PDS5B: variants seen among roughly 807,000 people sequenced by gnomAD.
The protein encoded by PDS5B is PDS5 cohesin associated factor B.
PDS5B carries 51 observed loss-of-function variants against 184.1 expected under a neutral mutation model. The ratio of observed to expected loss-of-function variants is 0.28; its 90% CI spans 0.22 to 0.35. PDS5B has a LOEUF of 0.35. Ranked by LOEUF, PDS5B falls within the 10% of genes least tolerant of loss-of-function variation. The pLI is 1.00. For missense variants in PDS5B, 1,180 were observed against 1,723.3 expected (o/e 0.68, Z 5.58); for synonymous variants, 566 against 569.2 (o/e 0.99, Z 0.08).
intron 1 of PDS5B, among the ~76,000 whole-genome samples, chr13:32,604,333 CAT>C (rs1322670180): frequency 1.3e-4 from 20 of 152,274 alleles, no homozygotes; most frequent in Admixed American, 9.2e-4. Context: ...TTGAGATAAT[CAT>C]GTGGTTTTTG....
chr13:32,637,868 T>C (rs2058588397), intron 1 of PDS5B, among the ~76,000 whole-genome samples: 1 of 152,216 alleles, frequency 6.6e-6, no homozygotes, highest in Non-Finnish European at 1.5e-5. Flanking sequence ...TGATGACTTT[T>C]AGTTAGCTTT....
intron 21 of PDS5B, among the ~76,000 whole-genome samples, chr13:32,738,481 T>C (rs1270142623): frequency 6.6e-6 from 1 of 152,156 alleles, no homozygotes; most frequent in Non-Finnish European, 1.5e-5. Flanking sequence ...TGTTGCCTAC[T>C]TTCTGAAATT....
intron 1 of PDS5B, among the ~76,000 whole-genome samples, chr13:32,613,931 A>G (rs1010594868): frequency 6.6e-6 from 1 of 152,232 alleles, no homozygotes; most frequent in Non-Finnish European, 1.5e-5. Context: ...TGAAGTAGGC[A>G]TGCACATTCA....
intron 1 of PDS5B, among the ~76,000 whole-genome samples, chr13:32,609,102 T>C (rs1174102531): frequency 6.6e-6 from 1 of 152,170 alleles, no homozygotes; most frequent in South Asian, 2.1e-4. Flanking sequence ...CATATTTAAT[T>C]TGCAAATAAA....
chr13:32,772,245 AAAAT>A (rs1954813510), intron 33 of PDS5B, among the ~76,000 whole-genome samples: 1 of 152,160 alleles, frequency 6.6e-6, no homozygotes, highest in Non-Finnish European at 1.5e-5. Context: ...CTAATTTTAA[AAAAT>A]AAAGATTTAT....
intron 25 of PDS5B, among the ~76,000 whole-genome samples, chr13:32,755,373 A>G (rs577613707): frequency 6.6e-6 from 1 of 152,252 alleles, no homozygotes; most frequent in African/African-American, 2.4e-5. Flanking sequence ...TTTCTGTTAC[A>G]ATTAGTATCA....
At chr13:32,597,601 G>T (rs917712737) in intron 1 of PDS5B, among the ~76,000 whole-genome samples, 8 of 151,994 alleles carry the variant, frequency 5.3e-5, no homozygotes, top group Admixed American at 6.5e-5. Flanking sequence ...TGAGGCCGAG[G>T]GGGGGGCGGC....
intron 1 of PDS5B, among the ~76,000 whole-genome samples, chr13:32,598,764 T>TCC (rs1566234288): frequency 5.0e-5 from 7 of 141,164 alleles, no homozygotes; most frequent in Admixed American, 1.4e-4. Context: ...ATGGTTTTTT[T>TCC]TCTCTCTTTT....
chr13:32,696,816 G>A (rs1262882937), intron 14 of PDS5B, 38 bp from the exon 15 acceptor site: 2 of 1,489,706 alleles, frequency 1.3e-6, no homozygotes, highest in African/African-American at 2.8e-5. Context: ...TTTCTTGTTA[G>A]GGAATTTTAA....
chr13:32,589,049 A>C (rs1423303709), intron 1 of PDS5B, among the ~76,000 whole-genome samples: 1 of 152,238 alleles, frequency 6.6e-6, no homozygotes, highest in Non-Finnish European at 1.5e-5. Context: ...GGACTCTTGA[A>C]TGACATGGAC....
At chr13:32,609,761 T>C (rs1244179177) in intron 1 of PDS5B, among the ~76,000 whole-genome samples, 1 of 152,188 alleles carries the variant, frequency 6.6e-6, no homozygotes, top group East Asian at 1.9e-4. Context: ...TTGTTGGTCA[T>C]GAAGAGTCCA....
At chr13:32,760,248 C>T (rs9591314) in intron 29 of PDS5B, among the ~76,000 whole-genome samples, 51 of 151,700 alleles carry the variant, frequency 3.4e-4, no homozygotes, top group Non-Finnish European at 6.2e-4. Flanking sequence ...AGCCACTGCA[C>T]CCGGCCAAAA....
At chr13:32,760,434 C>G (rs1160028993) in intron 29 of PDS5B, 141 bp from the exon 30 acceptor site, 7 of 690,994 alleles carry the variant, frequency 1.0e-5, no homozygotes, top group Non-Finnish European at 1.4e-5. Context: ...TTAGTTTATA[C>G]TTATTACTTT....
chr13:32,750,758 T>C (rs1953950596), intron 24 of PDS5B, among the ~76,000 whole-genome samples: 1 of 152,160 alleles, frequency 6.6e-6, no homozygotes, highest in South Asian at 2.1e-4. Context: ...GCCAGGCTGG[T>C]CTCGAACTCC....
intron 23 of PDS5B, among the ~76,000 whole-genome samples, chr13:32,744,626 A>G (rs1041483185): frequency 3.3e-5 from 5 of 152,172 alleles, no homozygotes; most frequent in East Asian, 1.9e-4. Context: ...TAACACAGGA[A>G]GCATCTGTTA....
chr13:32,676,173 T>G (rs1951058257), intron 9 of PDS5B, among the ~76,000 whole-genome samples: 1 of 152,230 alleles, frequency 6.6e-6, no homozygotes, highest in Admixed American at 6.5e-5. Context: ...TAATACATTT[T>G]AAAGCTATCT....
chr13:32,587,988 T>A (rs1264162913), intron 1 of PDS5B, among the ~76,000 whole-genome samples: 1 of 152,196 alleles, frequency 6.6e-6, no homozygotes, highest in South Asian at 2.1e-4. Context: ...ACCCAATGCT[T>A]GAACGGCAGT....
chr13:32,640,002 A>G (rs187177700), intron 1 of PDS5B, among the ~76,000 whole-genome samples: 24 of 152,252 alleles, frequency 1.6e-4, no homozygotes, highest in Non-Finnish European at 3.4e-4. Flanking sequence ...TATTGTTATG[A>G]TTGCTCTTGC....
At chr13:32,629,483 G>T (rs745836118) in intron 1 of PDS5B, among the ~76,000 whole-genome samples, 4 of 152,018 alleles carry the variant, frequency 2.6e-5, no homozygotes. Context: ...GGATAAAAAG[G>T]GGTGGTTAAA....
Sources: allele counts gnomAD v4.1 joint callset (sites outside exome capture counted in the v4.1 genomes callset), GRCh38; gene constraint gnomAD v4.1.1; transcripts MANE v1.5; gene names NCBI Gene and HGNC (gene_info 2026-07-23, HGNC 2026-07-21).